Variants in PPP1R16A observed in about 807,000 individuals in gnomAD.
PPP1R16A encodes protein phosphatase 1 regulatory subunit 16A.
Under a neutral mutation model 46.6 loss-of-function variants are expected in PPP1R16A, and 39 were observed. The observed-to-expected ratio is 0.84, with a 90% CI of 0.65 to 1.09. The LOEUF (loss-of-function observed/expected upper bound fraction) is 1.09, where lower values mean the gene tolerates loss of function less well. Among genes scored for constraint, PPP1R16A ranks in the 50% least tolerant of loss-of-function variants. The pLI is 0.00. For synonymous variants in PPP1R16A, 413 were observed against 321.5 expected, an observed-to-expected ratio of 1.28 and a Z score of -3.04; for missense variants, 798 against 735.6, an observed-to-expected ratio of 1.08 and a Z score of -0.98.
At chr8:144,488,873 G>A (rs1271248908) in intron 1 of PPP1R16A, among the ~76,000 whole-genome samples, 2 of 151,722 alleles carry the variant, frequency 1.3e-5, no homozygotes, top group African/African-American at 4.8e-5. Context: ...CCCCAGGGGA[G>A]GGTTTCAGGA....
chr8:144,488,001 G>T (rs533040290), intron 1 of PPP1R16A, among the ~76,000 whole-genome samples: 44 of 152,334 alleles, frequency 2.9e-4, no homozygotes, highest in Admixed American at 9.2e-4. Flanking sequence ...TAAAGATATG[G>T]TTGTGGTTTA....
chr8:144,501,820 G>C lies in PPP1R16A; in HGVS notation c.1504G>C (p.Gly502Arg). 1 of 1,552,470 alleles carries C rather than the reference G, an allele frequency of 6.4e-7. No individual in the cohort carries two copies. The highest frequency in any genetic ancestry group is 1.4e-5 in the African/African-American group (1 of 73,344). ...TPQPDCGFRA[G>R]GDPPLLKLTA... ...CCAGCCTGACTGTGGCTTCAGGGCA[G>C]GCGGGGACCCACCCCTGCTCAAGCT... Residue 502 changes from glycine (G) to arginine (R), a missense_variant, in exon 12 of 12, where the codon GGC becomes CGC. Coordinates refer to ENST00000435887, the MANE Select transcript of PPP1R16A (RefSeq NM_001329443.2).
chr8:144,488,237 T>A (rs1416775980), intron 1 of PPP1R16A, among the ~76,000 whole-genome samples: 1 of 151,854 alleles, frequency 6.6e-6, no homozygotes, highest in Non-Finnish European at 1.5e-5. Flanking sequence ...CCAGGGGATA[T>A]GCTTTGGGAG....
rs547265037 is a variant in PPP1R16A at position 144,493,270 on chromosome 8, G to A, written c.-735+3058G>A. Among the ~76,000 whole-genome samples, 2 of 152,264 alleles carry A rather than the reference G, an allele frequency of 1.3e-5. No homozygotes were observed. Among genetic ancestry groups the A allele is most frequent in the African/African-American group, 2.4e-5 (1 of 41,574 alleles). The stretch of plus-strand genomic sequence containing the variant: ...CTTTGAGGAGTGGAATGAACCCACC[G>A]GGTTATCTGTTTAGAACTGGAATGA... On this transcript the variant is annotated intron_variant, in intron 2 of 11. Coordinates refer to ENST00000435887, the MANE Select transcript of PPP1R16A (RefSeq NM_001329443.2). The surrounding 1 kb of genome is among the most constrained non-coding windows in gnomAD (Gnocchi z 4.3).
intron 2 of PPP1R16A, among the ~76,000 whole-genome samples, chr8:144,494,023 G>A (rs527413141): frequency 6.6e-6 from 1 of 152,306 alleles, no homozygotes; most frequent in East Asian, 1.9e-4. Context: ...CAAGACAGGC[G>A]TTCCGTCGGG....
At chr8:144,485,523 C>T (rs1477893076) in intron 1 of PPP1R16A, among the ~76,000 whole-genome samples, 2 of 104,056 alleles carry the variant, frequency 1.9e-5, no homozygotes, top group Non-Finnish European at 4.3e-5. Flanking sequence ...CACTCCATCT[C>T]GGGAAAAAAA....
At chr8:144,494,524 C>A (rs1330548754) in intron 2 of PPP1R16A, among the ~76,000 whole-genome samples, 2 of 151,906 alleles carry the variant, frequency 1.3e-5, no homozygotes, top group African/African-American at 4.8e-5. Flanking sequence ...CCCAGGCTGG[C>A]CTTGAACTCC....
chr8:144,489,048 A>G (rs1373608777), intron 1 of PPP1R16A, among the ~76,000 whole-genome samples: 1 of 151,250 alleles, frequency 6.6e-6, no homozygotes, highest in Non-Finnish European at 1.5e-5. Context: ...TACTAAAAAT[A>G]CAAATATTAG....
intron 2 of PPP1R16A, among the ~76,000 whole-genome samples, chr8:144,491,967 C>T (rs942799917): frequency 1.3e-5 from 2 of 152,192 alleles, no homozygotes; most frequent in Non-Finnish European, 2.9e-5. Context: ...AACAAAACAA[C>T]CAAGTCTTTT....
At chr8:144,491,911 A>G (rs1288223097) in intron 2 of PPP1R16A, among the ~76,000 whole-genome samples, 1 of 152,182 alleles carries the variant, frequency 6.6e-6, no homozygotes, top group Non-Finnish European at 1.5e-5. Context: ...CAGCCTGGGC[A>G]ATAGAGTGAG....
rs761818247 is a variant in PPP1R16A at position 144,497,384 on chromosome 8, C to T, written c.190C>T (p.Leu64=). The change falls in exon 3 of 12, where the codon CTG becomes TTG. Residue 64 remains leucine (L), a synonymous_variant. Coordinates refer to ENST00000435887, the MANE Select transcript of PPP1R16A (RefSeq NM_001329443.2). ...GAAGGAGGCAGCCAGCCAAGGGCTC[C>T]TGAAGCAGGTCCTCTTCCCTCCCAG... The part of the protein sequence containing the change: ...PRKEAASQGL[L]KQVLFPPSVV... 1 of 1,613,064 alleles carries T rather than the reference C, an allele frequency of 6.2e-7. No homozygotes were observed. Among genetic ancestry groups the T allele is most frequent in the South Asian group, 1.1e-5 (1 of 91,090 alleles).
rs763330190 is a variant in PPP1R16A at position 144,501,066 on chromosome 8, G to A, written c.1038-63G>A. On this transcript the variant is annotated intron_variant, in intron 10 of 11. Transcript: ENST00000435887. ...AGCCGAACTGGGGGCAGAGTCCGAG[G>A]GGGTGGGCGGGGTCCTCCGGGCACT... 6 of 1,563,314 alleles carry A rather than the reference G, an allele frequency of 3.8e-6. No individual in the cohort carries two copies. In the Admixed American group the frequency reaches 7.2e-5, roughly 19 times the overall value.
Position 144,500,538 on chromosome 8 carries a change from G to T in PPP1R16A, c.757G>T (p.Glu253Ter). ...CAGCGAGGCGGCTGCCCTGCTGCTG[G>T]AACACCGAGCCAGCCTGAGCGCTAA... is the stretch of plus-strand genomic sequence containing the variant. ...GFSEAAALLL[E>*]HRASLSAKDQ... Residue 253 changes from glutamate (E) to a stop codon, truncating the protein, a stop_gained, in exon 8 of 12, where the codon GAA becomes TAA. Coordinates refer to ENST00000435887, the MANE Select transcript of PPP1R16A (RefSeq NM_001329443.2). LOFTEE classifies it high-confidence loss of function. 1.9e-6 allele frequency: 3 copies of T among 1,595,288 alleles called. No individual in the cohort carries two copies. Among genetic ancestry groups the T allele is most frequent in the Non-Finnish European group, 2.5e-6 (3 of 1,178,378 alleles).
rs568235959 is a variant in PPP1R16A at position 144,480,937 on chromosome 8, G to A, written c.-914+2810G>A. ...AGTCTCATGCTGTGTCGCCCAGGCT[G>A]GAGTGCAGTGGCACGATCTTGGCTC... On this transcript the variant is annotated intron_variant, in intron 1 of 11. Coordinates refer to ENST00000435887, the MANE Select transcript of PPP1R16A (RefSeq NM_001329443.2). Among the ~76,000 whole-genome samples the A allele has an allele frequency of 7.3e-5, 11 of 151,324 alleles. No homozygotes were observed. In the South Asian group the frequency reaches 2.3e-3, roughly 32 times the overall value.
chr8:144,486,503 T>G (rs1199427857), intron 1 of PPP1R16A, among the ~76,000 whole-genome samples: 2 of 152,222 alleles, frequency 1.3e-5, no homozygotes, highest in African/African-American at 4.8e-5. Flanking sequence ...TCACAGGTTT[T>G]CATCAGCTCC....
chr8:144,497,631 C>G (rs1826142464), intron 3 of PPP1R16A, 178 bp downstream of exon 3: 2 of 850,550 alleles, frequency 2.4e-6, no homozygotes, highest in East Asian at 5.3e-5. Flanking sequence ...AGGCAAGCCC[C>G]AAGCAGTGGG....
chr8:144,489,872 G>A (rs911901200), intron 1 of PPP1R16A, among the ~76,000 whole-genome samples, 162 bp from the exon 2 acceptor site: 1 of 152,204 alleles, frequency 6.6e-6, no homozygotes, highest in Non-Finnish European at 1.5e-5. Context: ...TAGACATTTG[G>A]CTTCTTTTCA....
intron 1 of PPP1R16A, among the ~76,000 whole-genome samples, chr8:144,487,148 C>T (rs553567197): frequency 3.2e-4 from 48 of 152,006 alleles, no homozygotes; most frequent in African/African-American, 8.9e-4. Flanking sequence ...GCACCACAAC[C>T]GGCTAATTTT....
chr8:144,498,969 C>A lies in PPP1R16A; in HGVS notation c.384C>A (p.Ala128=), dbSNP rs368822090. The change falls in exon 5 of 12, where the codon GCC becomes GCA. Residue 128 remains alanine (A), a synonymous_variant. Transcript: ENST00000435887. ...TGCAGCAGCTCCTGGAGGCTGGGGC[C>A]AACATCAATGCCTGTGACAGTGAGT... is the stretch of plus-strand genomic sequence containing the variant. ...EMVQQLLEAG[A]NINACDSECW... 1 of 1,612,276 alleles carries A rather than the reference C, an allele frequency of 6.2e-7. No individual in the cohort carries two copies. Among genetic ancestry groups the A allele is most frequent in the Admixed American group, 1.7e-5 (1 of 60,028 alleles).
Sources: allele counts gnomAD v4.1 joint callset (sites outside exome capture counted in the v4.1 genomes callset), GRCh38; gene constraint gnomAD v4.1.1; non-coding constraint Gnocchi (gnomAD v3.1); transcripts MANE v1.5; gene names NCBI Gene and HGNC (gene_info 2026-07-23, HGNC 2026-07-21).